The following MAGI1 variants were observed in gnomAD, a reference collection of about 807,000 sequenced individuals.
The protein encoded by MAGI1 is membrane associated guanylate kinase, WW and PDZ domain containing 1.
In MAGI1, 58 loss-of-function variants were observed where a neutral mutation model predicts 139.9. That is an observed-to-expected ratio of 0.41 (90% CI 0.34 to 0.52). The LOEUF (loss-of-function observed/expected upper bound fraction) is 0.52, where lower values mean the gene tolerates loss of function less well. Ranked by LOEUF, MAGI1 falls within the 20% of genes least tolerant of loss-of-function variation. The pLI is 0.12. For missense variants in MAGI1, 1,874 were observed against 1,901.6 expected (o/e 0.99, Z 0.27); for synonymous variants, 812 against 737.9 (o/e 1.10, Z -1.63).
Position 65,550,114 on chromosome 3 carries a change from G to A in MAGI1, c.431-56483C>T, listed in dbSNP as rs116297390. ...GCTGGCCCCATTCCATAGAAGAAAA[G>A]CTACCCACATTAGCTCTGCATTCAA... On this transcript the variant is annotated intron_variant, in intron 2 of 22. Coordinates refer to ENST00000402939, the MANE Select transcript of MAGI1 (RefSeq NM_001033057.2). 7.3e-3 allele frequency among the ~76,000 whole-genome samples: 1,112 copies of A among 152,166 alleles called. 14 individuals carry two copies. The highest frequency in any genetic ancestry group is 0.026 in the African/African-American group (1,065 of 41,516).
At chr3:65,657,132 G>C (rs530315686) in intron 1 of MAGI1, among the ~76,000 whole-genome samples, 1 of 151,896 alleles carries the variant, frequency 6.6e-6, no homozygotes, top group Non-Finnish European at 1.5e-5. Context: ...TGGAATCCAC[G>C]CAACATCCCT....
chr3:65,542,533 C>T (rs1173814825), intron 2 of MAGI1, among the ~76,000 whole-genome samples: 1 of 152,152 alleles, frequency 6.6e-6, no homozygotes, highest in East Asian at 1.9e-4. Context: ...ACCAAAACAG[C>T]ATGGTACTGG....
At chr3:65,466,821 G>A (rs1160495956) in intron 5 of MAGI1, among the ~76,000 whole-genome samples, 4 of 152,152 alleles carry the variant, frequency 2.6e-5, no homozygotes, top group African/African-American at 4.8e-5. Context: ...CTTTTCTGAC[G>A]CCACCCAGCA....
intron 1 of MAGI1, among the ~76,000 whole-genome samples, chr3:65,710,269 C>CTTTTTTTTTTTTTTTTTT (rs1175790063): frequency 1.5e-5 from 1 of 66,906 alleles, no homozygotes; most frequent in African/African-American, 6.4e-5. Context: ...CCTTACATTT[C>CTTTTTTTTTTTTTTTTTT]TTTTTTTTTT....
intron 1 of MAGI1, among the ~76,000 whole-genome samples, chr3:65,804,620 G>C (rs1026786132): frequency 1.3e-5 from 2 of 151,926 alleles, no homozygotes; most frequent in Non-Finnish European, 2.9e-5. Context: ...ATGAACTATA[G>C]CAAGTGGCAA....
At chr3:65,503,238 A>G (rs1344542698) in intron 2 of MAGI1, among the ~76,000 whole-genome samples, 2 of 152,186 alleles carry the variant, frequency 1.3e-5, no homozygotes, top group East Asian at 1.9e-4. Context: ...TGTCATCCCT[A>G]TAACACATTA....
In MAGI1 at chr3:65,470,243, AAG is replaced by A. The variant is rs572319957; in HGVS notation, c.959+38_959+39del. ...AGACAGAGGGAAGGAAGGGAAAAGA[AAG>A]AGAGAGAGATTTAGGTAGAAATAAT... is the stretch of plus-strand genomic sequence containing the variant. On this transcript the variant is annotated intron_variant, in intron 5 of 22. Coordinates refer to ENST00000402939, the MANE Select transcript of MAGI1 (RefSeq NM_001033057.2). 9.1e-6 allele frequency: 13 copies of A among 1,427,290 alleles called. No homozygotes were observed. In the South Asian group the frequency reaches 9.4e-5, roughly 10 times the overall value. 88.4% of individuals were successfully genotyped at this position (1,427,290 alleles called of 1,614,324 possible).
At chr3:65,719,357 G>A (rs919639884) in intron 1 of MAGI1, among the ~76,000 whole-genome samples, 3 of 150,910 alleles carry the variant, frequency 2.0e-5, no homozygotes, top group South Asian at 4.2e-4. Flanking sequence ...TGTAGAATGT[G>A]GATATTATAC....
At chr3:65,366,248 C>T (rs1205975519) in intron 18 of MAGI1, among the ~76,000 whole-genome samples, 1 of 152,142 alleles carries the variant, frequency 6.6e-6, no homozygotes, top group Non-Finnish European at 1.5e-5. Flanking sequence ...TACTATGAGA[C>T]CTTGTATAAG....
chr3:65,505,063 A>G (rs543018773), intron 2 of MAGI1, among the ~76,000 whole-genome samples: 14 of 152,294 alleles, frequency 9.2e-5, no homozygotes, highest in African/African-American at 3.1e-4. Context: ...TTGTTCCAAG[A>G]GGGATTCAGG....
chr3:65,747,964 G>A (rs950715117), intron 1 of MAGI1, among the ~76,000 whole-genome samples: 6 of 152,272 alleles, frequency 3.9e-5, no homozygotes, highest in East Asian at 1.9e-4. Context: ...ACCAAGACTC[G>A]GGGTGCCAGT....
intron 2 of MAGI1, among the ~76,000 whole-genome samples, chr3:65,544,574 C>T (rs9840574): frequency 0.24 from 36,891 of 152,026 alleles, 4,792 homozygotes; most frequent in African/African-American, 0.31. Context: ...GGAAGCAATG[C>T]TACAACTCTA....
chr3:65,381,820 C>T, intron 16 of MAGI1, 57 bp downstream of exon 16: 1 of 1,443,508 alleles, frequency 6.9e-7, no homozygotes, highest in Non-Finnish European at 9.4e-7. Flanking sequence ...AGGAAGGAGG[C>T]CTTTTCTGTG....
intron 2 of MAGI1, among the ~76,000 whole-genome samples, chr3:65,543,763 G>T (rs112347955): frequency 1.3e-5 from 2 of 151,930 alleles, no homozygotes; most frequent in African/African-American, 2.4e-5. Flanking sequence ...GATGGGGGGG[G>T]GTACAAGAGG....
chr3:65,930,604 G>T, intron 1 of MAGI1, among the ~76,000 whole-genome samples: 1 of 152,140 alleles, frequency 6.6e-6, no homozygotes, highest in East Asian at 1.9e-4. Context: ...ATTCCCAGGA[G>T]GTTGGGCATT....
At chr3:65,921,434 G>A (rs541693389) in intron 1 of MAGI1, among the ~76,000 whole-genome samples, 3 of 151,312 alleles carry the variant, frequency 2.0e-5, no homozygotes, top group Admixed American at 6.6e-5. Context: ...TCAGCCTCCC[G>A]AGTAGCTGGG....
chr3:65,455,584 C>T (rs1949337642), intron 5 of MAGI1, among the ~76,000 whole-genome samples: 1 of 151,860 alleles, frequency 6.6e-6, no homozygotes, highest in African/African-American at 2.4e-5. Flanking sequence ...TGTGGTGGCA[C>T]ACACTAGCCA....
At chr3:65,548,266 C>T (rs773441158) in intron 2 of MAGI1, among the ~76,000 whole-genome samples, 10 of 152,150 alleles carry the variant, frequency 6.6e-5, no homozygotes, top group Non-Finnish European at 1.2e-4. Flanking sequence ...GAGGCTCTCA[C>T]CACCTCAGAG....
intron 1 of MAGI1, among the ~76,000 whole-genome samples, chr3:65,792,553 T>C (rs1374283935): frequency 6.6e-6 from 1 of 152,092 alleles, no homozygotes; most frequent in Non-Finnish European, 1.5e-5. Context: ...TTGTTATAGC[T>C]AGCTATATAG....
Sources: allele counts gnomAD v4.1 joint callset (sites outside exome capture counted in the v4.1 genomes callset), GRCh38; gene constraint gnomAD v4.1.1; transcripts MANE v1.5; gene names NCBI Gene and HGNC (gene_info 2026-07-23, HGNC 2026-07-21).